VPS53: variants seen among roughly 807,000 people sequenced by gnomAD.
The protein encoded by VPS53 is vacuolar protein sorting-associated protein 53 homolog.
A neutral mutation model predicts 107.0 loss-of-function variants in VPS53; 70 were observed. That is an observed-to-expected ratio of 0.65 (90% CI 0.54 to 0.80). The LOEUF (loss-of-function observed/expected upper bound fraction) is 0.80. Among genes scored for constraint, VPS53 ranks in the 30% least tolerant of loss-of-function variants. VPS53 has a pLI of 0.00. For synonymous variants in VPS53, 409 were observed against 393.3 expected (o/e 1.04, Z -0.47); for missense variants, 917 against 1,049.4 (o/e 0.87, Z 1.74).
intron 4 of VPS53, among the ~76,000 whole-genome samples, chr17:686,236 C>T (rs751557764): frequency 7.1e-4 from 108 of 152,102 alleles, no homozygotes; most frequent in Middle Eastern, 3.4e-3. Flanking sequence ...GGAAGGATCA[C>T]GTGAGCCCAG....
chr17:631,516 C>G, intron 8 of VPS53, 34 bp downstream of exon 8: 1 of 1,605,450 alleles, frequency 6.2e-7, no homozygotes, highest in East Asian at 2.2e-5. Context: ...GGATGGTGAT[C>G]ATCTCTAAAG....
At chr17:593,141 T>C (rs1315259943) in intron 12 of VPS53, among the ~76,000 whole-genome samples, 4 of 152,124 alleles carry the variant, frequency 2.6e-5, no homozygotes, top group East Asian at 1.9e-4. Context: ...TTCCTTACAC[T>C]TTATACAAAA....
intron 13 of VPS53, among the ~76,000 whole-genome samples, chr17:583,246 G>A (rs142423330): frequency 1.1e-4 from 15 of 134,066 alleles, no homozygotes; most frequent in African/African-American, 3.4e-4. Context: ...AACCTCCTTC[G>A]GAACCTCAGT....
At chr17:587,839 T>A (rs1421690217) in intron 12 of VPS53, among the ~76,000 whole-genome samples, 3 of 152,132 alleles carry the variant, frequency 2.0e-5, no homozygotes, top group Non-Finnish European at 2.9e-5. Flanking sequence ...TCTTATTTTT[T>A]AAAAACCCAC....
chr17:697,531 T>C (rs112488445), intron 3 of VPS53, 47 bp from the exon 4 acceptor site: 3 of 1,476,358 alleles, frequency 2.0e-6, no homozygotes, highest in Admixed American at 3.5e-5. Context: ...ATCTTTATTC[T>C]AGGTTGACCA....
At chr17:569,756 T>G (rs1913864747) in intron 13 of VPS53, among the ~76,000 whole-genome samples, 1 of 151,640 alleles carries the variant, frequency 6.6e-6, no homozygotes, top group Non-Finnish European at 1.5e-5. Flanking sequence ...CCGTCTCTAC[T>G]AAAAATACAA....
intron 4 of VPS53, among the ~76,000 whole-genome samples, chr17:678,424 A>G (rs899222337): frequency 6.6e-6 from 1 of 151,952 alleles, no homozygotes; most frequent in African/African-American, 2.4e-5. Flanking sequence ...TCTGTCTCAA[A>G]ATAACAAAAA....
intron 8 of VPS53, among the ~76,000 whole-genome samples, chr17:629,191 G>A (rs1282624598): frequency 6.6e-6 from 1 of 152,198 alleles, no homozygotes; most frequent in East Asian, 1.9e-4. Flanking sequence ...TAAGCTGCCT[G>A]AGACCTGAGT....
At chr17:668,251 T>C (rs929727018) in intron 4 of VPS53, among the ~76,000 whole-genome samples, 4 of 152,188 alleles carry the variant, frequency 2.6e-5, no homozygotes, top group Non-Finnish European at 5.9e-5. Context: ...CTTCTCAAAG[T>C]GACTCTGGTG....
Position 509,665 on chromosome 17 carries a change from G to A in VPS53, c.*9463C>T, listed in dbSNP as rs1321395397. The A allele has an allele frequency of 6.6e-5, 9 of 136,636 alleles. No individual in the cohort carries two copies. The highest frequency in any genetic ancestry group is 1.4e-4 in the South Asian group (1 of 7,018). 8.5% of individuals were successfully genotyped at this position (136,636 alleles called of 1,614,324 possible). A position where few individuals can be genotyped will look rare whatever the true frequency, so the allele number is the denominator to read the frequency against. ...CTGGTCACGTATCGCATCCTGGCTC[G>A]CCCCTCACTGGTCACGTATCGAATC... On this transcript the variant is annotated 3_prime_UTR_variant, in exon 22 of 22. Transcript: ENST00000437048.
At chr17:657,455 C>A in intron 5 of VPS53, 2 of 1,145,062 alleles carry the variant, frequency 1.7e-6, no homozygotes, top group Admixed American at 1.7e-5. Flanking sequence ...GACTGGTGGA[C>A]GGACGAGGAG....
chr17:527,430 G>A (rs1271899842), intron 19 of VPS53, among the ~76,000 whole-genome samples: 1 of 152,142 alleles, frequency 6.6e-6, no homozygotes, highest in African/African-American at 2.4e-5. Flanking sequence ...TGGTCATAAA[G>A]TCCTCATTTC....
At chr17:527,750 A>G (rs1185721110) in intron 19 of VPS53, among the ~76,000 whole-genome samples, 1 of 152,056 alleles carries the variant, frequency 6.6e-6, no homozygotes, top group African/African-American at 2.4e-5. Flanking sequence ...AGTGGCTAGG[A>G]CTACAGGCAC....
At chr17:650,677 G>C (rs966610069) in intron 7 of VPS53, among the ~76,000 whole-genome samples, 1 of 152,182 alleles carries the variant, frequency 6.6e-6, no homozygotes, top group Non-Finnish European at 1.5e-5. Context: ...AGCTTTGCTG[G>C]AGGGCAAATG....
At chr17:573,314 T>C (rs1914332498) in intron 13 of VPS53, among the ~76,000 whole-genome samples, 1 of 152,146 alleles carries the variant, frequency 6.6e-6, no homozygotes, top group African/African-American at 2.4e-5. Context: ...TAAATAAAAA[T>C]TGAGAAAGCC....
chr17:581,037 G>A (rs1399963877), intron 13 of VPS53, among the ~76,000 whole-genome samples: 2 of 149,588 alleles, frequency 1.3e-5, no homozygotes, highest in Non-Finnish European at 3.0e-5. Context: ...AACCTAATGC[G>A]TTCCCACAGG....
intron 13 of VPS53, among the ~76,000 whole-genome samples, chr17:565,177 G>A (rs1036460225): frequency 6.6e-6 from 1 of 151,934 alleles, no homozygotes; most frequent in Admixed American, 6.6e-5. Context: ...CGGGGCGGGT[G>A]GATCACCTGT....
chr17:602,593 C>A (rs1287477942), intron 11 of VPS53, among the ~76,000 whole-genome samples: 2 of 152,190 alleles, frequency 1.3e-5, no homozygotes, highest in African/African-American at 4.8e-5. Flanking sequence ...GGGAAGGCTG[C>A]AGGCAGGAGG....
At chr17:622,951 T>C (rs1180961653) in intron 11 of VPS53, among the ~76,000 whole-genome samples, 3 of 152,004 alleles carry the variant, frequency 2.0e-5, no homozygotes, top group East Asian at 3.9e-4. Flanking sequence ...CCTCCCAAAG[T>C]GCTGGGATTA....
Sources: allele counts gnomAD v4.1 joint callset (sites outside exome capture counted in the v4.1 genomes callset), GRCh38; gene constraint gnomAD v4.1.1; transcripts MANE v1.5; gene names NCBI Gene and HGNC (gene_info 2026-07-23, HGNC 2026-07-21).